The following SLCO1B3 variants were observed in gnomAD, a reference collection of about 807,000 sequenced individuals.
SLCO1B3 encodes the protein liver-specific organic anion transporter 2.
In SLCO1B3, 72 loss-of-function variants were observed where a neutral mutation model predicts 71.8. That is an observed-to-expected ratio of 1.00 (90% CI 0.83 to 1.22). The LOEUF is 1.22. Among genes scored for constraint, SLCO1B3 ranks in the 50% most tolerant of loss-of-function variants. The pLI is 0.00. For synonymous variants in SLCO1B3, 298 were observed against 278.4 expected, an observed-to-expected ratio of 1.07 and a Z score of -0.70; for missense variants, 911 against 819.7, an observed-to-expected ratio of 1.11 and a Z score of -1.36.
At chr12:20,858,629 A>G (rs1565591741) in intron 5 of SLCO1B3, 58 bp downstream of exon 5, 1 of 1,508,418 alleles carries the variant, frequency 6.6e-7, no homozygotes, top group Non-Finnish European at 9.0e-7. Flanking sequence ...TTAGCAGTAG[A>G]ATTTTATTTT....
At chr12:20,887,678 C>G (rs1042493281) in intron 13 of SLCO1B3, among the ~76,000 whole-genome samples, 1 of 150,674 alleles carries the variant, frequency 6.6e-6, no homozygotes, top group African/African-American at 2.4e-5. Context: ...TCTGTATACT[C>G]TGTTGATTAT....
chr12:20,886,198 G>C (rs1052453619), intron 13 of SLCO1B3, among the ~76,000 whole-genome samples: 4 of 151,970 alleles, frequency 2.6e-5, no homozygotes, highest in East Asian at 1.9e-4. Flanking sequence ...ACTAAGGAAG[G>C]GTAGTTTGGA....
At chr12:20,900,305 A>G (rs1158945361) in intron 14 of SLCO1B3, among the ~76,000 whole-genome samples, 1 of 152,172 alleles carries the variant, frequency 6.6e-6, no homozygotes, top group Non-Finnish European at 1.5e-5. Context: ...TAAAACATTC[A>G]TGTATAAATC....
At chr12:20,879,162 T>C (rs1295667542) in intron 10 of SLCO1B3, among the ~76,000 whole-genome samples, 1 of 151,294 alleles carries the variant, frequency 6.6e-6, no homozygotes, top group Non-Finnish European at 1.5e-5. Flanking sequence ...CTCATGTGGG[T>C]ATACTTGTCC....
At chr12:20,863,155 T>A (rs1865304178) in intron 8 of SLCO1B3, among the ~76,000 whole-genome samples, 1 of 152,198 alleles carries the variant, frequency 6.6e-6, no homozygotes, top group South Asian at 2.1e-4. Flanking sequence ...CAAGTAAATT[T>A]TATTTTTCAG....
chr12:20,875,440 G>C lies in SLCO1B3; in HGVS notation c.933G>C (p.Leu311Phe), dbSNP rs2121292920. ...TNDDRNQTAN[L>F]TNQGKNVTKN... The stretch of plus-strand genomic sequence containing the variant: ...ATGATAGAAATCAAACAGCTAATTT[G>C]ACCAACCAAGGAAAAAATGTTACCA... Residue 311 changes from leucine to phenylalanine, a missense_variant, in exon 9 of 16, where the codon TTG (leucine) becomes TTC (phenylalanine). Physicochemically the swap from Leu to Phe is conservative, Grantham distance 22. Coordinates refer to ENST00000381545, the MANE Select transcript of SLCO1B3 (RefSeq NM_019844.4). The C allele has an allele frequency of 6.2e-7, 1 of 1,602,012 alleles. No homozygotes were observed. Among genetic ancestry groups the C allele is most frequent in the Non-Finnish European group, 8.5e-7 (1 of 1,177,404 alleles).
intron 3 of SLCO1B3, among the ~76,000 whole-genome samples, chr12:20,836,735 T>C (rs4762679): frequency 0.86 from 131,298 of 152,108 alleles, 56,797 homozygotes; most frequent in East Asian, 0.99. Flanking sequence ...TCTGCCTCCC[T>C]GGTTCATGCC....
chr12:20,879,401 A>G (rs1185689962), intron 10 of SLCO1B3, 35 bp from the exon 11 acceptor site: 2 of 1,419,204 alleles, frequency 1.4e-6, no homozygotes, highest in South Asian at 1.2e-5. Context: ...CCATATTTGT[A>G]TAATTATAGC....
At chr12:20,895,836 C>G (rs1865996430) in intron 13 of SLCO1B3, among the ~76,000 whole-genome samples, 1 of 152,236 alleles carries the variant, frequency 6.6e-6, no homozygotes, top group Admixed American at 6.5e-5. Context: ...AGCACCTTGT[C>G]CCTGCAGCAA....
chr12:20,906,152 A>G (rs997176223), intron 15 of SLCO1B3, among the ~76,000 whole-genome samples: 3 of 152,186 alleles, frequency 2.0e-5, no homozygotes, highest in Non-Finnish European at 4.4e-5. Flanking sequence ...CAGAAATCCA[A>G]ACTATATCAA....
chr12:20,906,108 C>A (rs1433750580), intron 15 of SLCO1B3, among the ~76,000 whole-genome samples: 1 of 152,258 alleles, frequency 6.6e-6, no homozygotes, highest in South Asian at 2.1e-4. Context: ...CCACCAGGCC[C>A]CTTCTCCAAT....
At chr12:20,846,219 A>T (rs2121192020) in intron 3 of SLCO1B3, among the ~76,000 whole-genome samples, 1 of 152,224 alleles carries the variant, frequency 6.6e-6, no homozygotes, top group South Asian at 2.1e-4. Context: ...TTCTTTCAAA[A>T]TTCTGGTCAG....
rs554667625 is a variant in SLCO1B3 at position 20,857,201 on chromosome 12, C to T, written c.227-1238C>T. On this transcript the variant is annotated intron_variant, in intron 4 of 15. Transcript: ENST00000381545. ...GCACTGATATGCATCTCTTTTTTAT[C>T]TTTAAATATCCAAAAATTTACTAGC... Among the ~76,000 whole-genome samples, 8 of 152,032 alleles carry T rather than the reference C, an allele frequency of 5.3e-5. No homozygotes were observed. In the East Asian group the frequency reaches 1.5e-3, roughly 29 times the overall value.
rs756237829 is a variant in SLCO1B3, at chr12:20,898,480, C to G, written c.1727C>G (p.Ser576Ter). 1.9e-5 allele frequency: 30 copies of G among 1,584,898 alleles called. No individual in the cohort carries two copies. Among genetic ancestry groups the G allele is most frequent in the Non-Finnish European group, 2.4e-5 (28 of 1,157,198 alleles). Residue 576 changes from serine to a stop codon, truncating the protein, a stop_gained, in exon 14 of 16, where the codon TCA becomes TGA. Transcript: ENST00000381545. LOFTEE classifies it high-confidence loss of function. ...ELKALAMGFQ[S>*]MVIRTLGGIL... is the part of the protein sequence containing the mutation. ...AAAGCACTTGCAATGGGTTTCCAGT[C>G]AATGGTTATAAGAACACTAGGTATG...
At chr12:20,908,902 C>G (rs1228482322) in intron 15 of SLCO1B3, among the ~76,000 whole-genome samples, 1 of 152,130 alleles carries the variant, frequency 6.6e-6, no homozygotes, top group East Asian at 1.9e-4. Flanking sequence ...TGTGTCAACA[C>G]CAAAGTGCAA....
chr12:20,858,309 C>T, intron 4 of SLCO1B3, 130 bp from the exon 5 acceptor site: 1 of 631,404 alleles, frequency 1.6e-6, no homozygotes, highest in Non-Finnish European at 2.7e-6. Flanking sequence ...TTTACCTTCA[C>T]AGTTAAATTA....
intron 3 of SLCO1B3, among the ~76,000 whole-genome samples, chr12:20,831,218 G>A (rs568410465): frequency 9.9e-5 from 15 of 152,052 alleles, no homozygotes; most frequent in Admixed American, 8.5e-4. Flanking sequence ...TTATCCGGGC[G>A]TGGTGGCACG....
intron 15 of SLCO1B3, among the ~76,000 whole-genome samples, chr12:20,902,697 A>G (rs1286159878): frequency 1.3e-5 from 2 of 152,182 alleles, no homozygotes; most frequent in Non-Finnish European, 2.9e-5. Flanking sequence ...GTTCAACAGC[A>G]AGGGGTAAAT....
chr12:20,901,246 A>G lies in SLCO1B3; in HGVS notation c.1748-104A>G, dbSNP rs563350766. On this transcript the variant is annotated intron_variant, in intron 14 of 15. Coordinates refer to ENST00000381545, the MANE Select transcript of SLCO1B3 (RefSeq NM_019844.4). The stretch of plus-strand genomic sequence containing the variant: ...GCCAAACCAATGGAATAATTTTCCA[A>G]AACTTTAAACTTGTATTAATCCAAA... The G allele has an allele frequency of 4.7e-5, 37 of 793,362 alleles. No individual in the cohort carries two copies. The African/African-American group carries it at 6.4e-4, about 14-fold the overall frequency. The allele number at this position is 793,362 out of a possible 1,614,324, so 49.1% of individuals were successfully genotyped here. A position where few individuals can be genotyped will look rare whatever the true frequency, so the allele number is the denominator to read the frequency against.
Sources: gnomAD v4.1 joint callset for allele counts (sites outside exome capture counted in the v4.1 genomes callset) on GRCh38, gnomAD v4.1.1 for gene constraint, MANE v1.5 for transcripts, NCBI Gene and HGNC (gene_info 2026-07-23, HGNC 2026-07-21) for gene names.